Variants in NEDD4L observed in about 807,000 individuals in gnomAD.
NEDD4L encodes E3 ubiquitin-protein ligase NEDD4-like.
Under a neutral mutation model 148.9 loss-of-function variants are expected in NEDD4L, and 54 were observed. The ratio of observed to expected loss-of-function variants is 0.36; its 90% CI spans 0.29 to 0.45. The LOEUF is 0.45. Among genes scored for constraint, NEDD4L ranks in the 20% least tolerant of loss-of-function variants. NEDD4L has a pLI of 1.00. For missense variants in NEDD4L, 856 were observed against 1,233.8 expected (o/e 0.69, Z 4.59); for synonymous variants, 433 against 440.7 (o/e 0.98, Z 0.22).
intron 24 of NEDD4L, among the ~76,000 whole-genome samples, chr18:58,377,027 G>A (rs2047657964): frequency 6.6e-6 from 1 of 152,222 alleles, no homozygotes; most frequent in African/African-American, 2.4e-5. Context: ...ATGTACCACA[G>A]ACGACTTTGC....
intron 1 of NEDD4L, among the ~76,000 whole-genome samples, chr18:58,074,778 C>G (rs1235356337): frequency 6.6e-6 from 1 of 151,942 alleles, no homozygotes; most frequent in African/African-American, 2.4e-5. Context: ...ACGACTGATG[C>G]TGTATATTAA....
chr18:58,101,351 TC>T (rs1274719368), intron 1 of NEDD4L, among the ~76,000 whole-genome samples: 1 of 152,130 alleles, frequency 6.6e-6, no homozygotes, highest in Non-Finnish European at 1.5e-5. Flanking sequence ...GAGGGCGATG[TC>T]CTCCTCAGGG....
chr18:58,287,721 A>G (rs908657134), intron 5 of NEDD4L, among the ~76,000 whole-genome samples: 7 of 152,140 alleles, frequency 4.6e-5, no homozygotes, highest in Non-Finnish European at 8.8e-5. Context: ...AAGACATTCA[A>G]CTTTAGAGAC....
chr18:58,050,458 A>T (rs1288728063), intron 1 of NEDD4L, among the ~76,000 whole-genome samples: 3 of 151,090 alleles, frequency 2.0e-5, no homozygotes, highest in Admixed American at 2.0e-4. Context: ...TGACAGAGTG[A>T]GACTCTGTCA....
chr18:58,320,113 T>C (rs2058646907), intron 6 of NEDD4L, among the ~76,000 whole-genome samples: 1 of 152,182 alleles, frequency 6.6e-6, no homozygotes, highest in South Asian at 2.1e-4. Context: ...CAGACTCAGG[T>C]TCAGAGTCCC....
intron 5 of NEDD4L, among the ~76,000 whole-genome samples, chr18:58,312,362 G>A (rs917886124): frequency 1.3e-5 from 2 of 152,224 alleles, no homozygotes; most frequent in Non-Finnish European, 2.9e-5. Flanking sequence ...GTAGGCTATT[G>A]TAGTTAACTT....
intron 2 of NEDD4L, among the ~76,000 whole-genome samples, chr18:58,171,517 C>T (rs1407548469): frequency 6.6e-6 from 1 of 152,266 alleles, no homozygotes; most frequent in African/African-American, 2.4e-5. Context: ...TTCCCTCCTC[C>T]TACGGCCCCT....
intron 1 of NEDD4L, among the ~76,000 whole-genome samples, chr18:58,092,615 AC>A (rs2084141683): frequency 6.6e-6 from 1 of 151,952 alleles, no homozygotes; most frequent in Non-Finnish European, 1.5e-5. Flanking sequence ...CCATTCACAT[AC>A]TGGCTCTGCA....
rs117507363 is a variant in NEDD4L at position 58,357,350 on chromosome 18, C to T, written c.1767+98C>T. 1.9e-3 allele frequency: 2,069 copies of T among 1,069,702 alleles called. 65 individuals are homozygous for T. The East Asian group carries it at 0.046, about 24-fold the overall frequency. The allele number at this position is 1,069,702 out of a possible 1,614,324, so 66.3% of individuals were successfully genotyped here. ...TGATAACGGTGATGTCAAGGGACAA[C>T]GGTGATTGAGTAGTTGACTAGAAAC... is the stretch of plus-strand genomic sequence containing the variant. On this transcript the variant is annotated intron_variant, in intron 19 of 30. Transcript: ENST00000400345.
At chr18:58,322,591 T>G (rs1431865009) in intron 7 of NEDD4L, 105 bp downstream of exon 7, 1 of 378,060 alleles carries the variant, frequency 2.6e-6, no homozygotes, top group East Asian at 7.0e-5. Flanking sequence ...GGTGGGGATG[T>G]CTGCCTTGCT....
chr18:58,160,148 T>C (rs1263017920), intron 1 of NEDD4L, among the ~76,000 whole-genome samples: 1 of 152,334 alleles, frequency 6.6e-6, no homozygotes, highest in Middle Eastern at 3.4e-3. Context: ...AAGAACACTG[T>C]TGATGGATTA....
At position 58,100,951 on chromosome 18, in the gene NEDD4L, G is replaced by A. The variant is rs981948264; in HGVS notation, c.48+56243G>A. On this transcript the variant is annotated intron_variant, in intron 1 of 30. Transcript: ENST00000400345. ...CTCCCGAGTAGCTGGGATGACAGGCGCACACCACCATGTCTGGCTAATTTT... is the reference window on the plus strand; with the variant it reads ...CTCCCGAGTAGCTGGGATGACAGGCACACACCACCATGTCTGGCTAATTTT... 4.6e-5 allele frequency among the ~76,000 whole-genome samples: 7 copies of A among 152,158 alleles called. No individual in the cohort carries two copies. In the East Asian group the frequency reaches 7.7e-4, roughly 17 times the overall value.
intron 30 of NEDD4L, among the ~76,000 whole-genome samples, 159 bp from the exon 31 acceptor site, chr18:58,396,008 G>A (rs537228501): frequency 6.6e-6 from 1 of 152,244 alleles, no homozygotes; most frequent in East Asian, 1.9e-4. Flanking sequence ...ATTTAGTGTG[G>A]ATGTTTCATA....
chr18:58,123,550 G>A (rs561218595), intron 1 of NEDD4L, among the ~76,000 whole-genome samples: 1 of 152,222 alleles, frequency 6.6e-6, no homozygotes, highest in East Asian at 1.9e-4. Context: ...ACCCCACCCT[G>A]GTTAAACCCA....
chr18:58,190,181 G>C (rs2039951756), intron 2 of NEDD4L, among the ~76,000 whole-genome samples: 1 of 152,066 alleles, frequency 6.6e-6, no homozygotes, highest in South Asian at 2.1e-4. Context: ...GAGTGTGCAT[G>C]CCTGTTATCT....
intron 24 of NEDD4L, among the ~76,000 whole-genome samples, chr18:58,373,959 G>A (rs536814533): frequency 3.3e-5 from 5 of 152,308 alleles, no homozygotes; most frequent in African/African-American, 1.2e-4. Context: ...TGCAGCTTGG[G>A]AGGTGTTCTC....
chr18:58,155,446 C>G (rs966717839), intron 1 of NEDD4L, among the ~76,000 whole-genome samples: 1 of 152,058 alleles, frequency 6.6e-6, no homozygotes, highest in African/African-American at 2.4e-5. Context: ...ATTCATAACA[C>G]AGGGAAAATC....
intron 1 of NEDD4L, among the ~76,000 whole-genome samples, chr18:58,114,669 CAT>C (rs999954037): frequency 8.8e-6 from 1 of 113,298 alleles, no homozygotes; most frequent in African/African-American, 3.1e-5. Context: ...TATTATATCT[CAT>C]AGTCATAGTC....
chr18:58,100,843 GC>G (rs2084706276), intron 1 of NEDD4L, among the ~76,000 whole-genome samples: 1 of 152,178 alleles, frequency 6.6e-6, no homozygotes, highest in South Asian at 2.1e-4. Context: ...GTCTTGCTCT[GC>G]CATCCAGGCT....
Sources: allele counts gnomAD v4.1 joint callset (sites outside exome capture counted in the v4.1 genomes callset), GRCh38; gene constraint gnomAD v4.1.1; transcripts MANE v1.5; gene names NCBI Gene and HGNC (gene_info 2026-07-23, HGNC 2026-07-21).